TMTC2: variants seen among roughly 807,000 people sequenced by gnomAD.
TMTC2 encodes transmembrane O-mannosyltransferase targeting cadherins 2, also known as protein O-mannosyl-transferase TMTC2.
TMTC2 carries 43 observed loss-of-function variants against 82.4 expected under a neutral mutation model. That is an observed-to-expected ratio of 0.52 (90% CI 0.41 to 0.67). TMTC2 has a LOEUF of 0.67. Among genes scored for constraint, TMTC2 ranks in the 30% least tolerant of loss-of-function variants. The pLI is 0.00. For synonymous variants in TMTC2, 408 were observed against 381.9 expected, an observed-to-expected ratio of 1.07 and a Z score of -0.80; for missense variants, 919 against 1,012.4, an observed-to-expected ratio of 0.91 and a Z score of 1.25.
At chr12:82,843,525 A>T (rs1870460833) in intron 1 of TMTC2, among the ~76,000 whole-genome samples, 1 of 152,232 alleles carries the variant, frequency 6.6e-6, no homozygotes. Context: ...TTATAACAGG[A>T]ATACCTGTGA....
intron 1 of TMTC2, among the ~76,000 whole-genome samples, chr12:82,749,282 A>T (rs1031317104): frequency 6.6e-6 from 1 of 151,872 alleles, no homozygotes; most frequent in African/African-American, 2.4e-5. Context: ...TCTCCTGAGT[A>T]TGCTAAACTC....
chr12:83,124,578 T>G (rs918549405), intron 11 of TMTC2, among the ~76,000 whole-genome samples: 9 of 140,516 alleles, frequency 6.4e-5, no homozygotes, highest in African/African-American at 2.5e-5. Context: ...TTTTTTTTTT[T>G]AATGAGCAGA....
intron 1 of TMTC2, among the ~76,000 whole-genome samples, chr12:82,720,285 T>C (rs1275329799): frequency 6.6e-6 from 1 of 152,180 alleles, no homozygotes; most frequent in Non-Finnish European, 1.5e-5. Flanking sequence ...TAAGTTTGCA[T>C]GTTTTAGAAT....
chr12:83,059,847 A>G (rs2137470148), intron 10 of TMTC2, among the ~76,000 whole-genome samples: 1 of 151,828 alleles, frequency 6.6e-6, no homozygotes, highest in Middle Eastern at 3.4e-3. Context: ...TATACTTTCC[A>G]TGTTGGGCAT....
At chr12:82,960,539 C>G (rs1310266006) in intron 4 of TMTC2, among the ~76,000 whole-genome samples, 3 of 151,948 alleles carry the variant, frequency 2.0e-5, no homozygotes, top group African/African-American at 7.3e-5. Context: ...AAACCAAATA[C>G]TGCATGTTTT....
rs1881407924 is a variant in TMTC2 at position 83,031,002 on chromosome 12, C to T, written c.2152+123C>T. On this transcript the variant is annotated intron_variant, in intron 9 of 11. Transcript: ENST00000321196. ...ATGGACTTTGTTATTGCAGATTTAG[C>T]CTCATGCTATATTCCTACCTTCTCA... 8 of 676,762 alleles carry T rather than the reference C, an allele frequency of 1.2e-5. No individual in the cohort carries two copies. The East Asian group carries it at 2.1e-4, about 18-fold the overall frequency. 41.9% of individuals were successfully genotyped at this position (676,762 alleles called of 1,614,324 possible).
At chr12:82,944,502 G>T (rs1345873483) in intron 4 of TMTC2, among the ~76,000 whole-genome samples, 1 of 150,862 alleles carries the variant, frequency 6.6e-6, no homozygotes, top group Admixed American at 6.6e-5. Context: ...GCGTGAACCC[G>T]GGAGATGGCG....
intron 11 of TMTC2, among the ~76,000 whole-genome samples, chr12:83,088,540 G>A (rs964575268): frequency 3.9e-5 from 6 of 152,192 alleles, no homozygotes; most frequent in Non-Finnish European, 7.3e-5. Flanking sequence ...GACCAAAAGA[G>A]GATTATTAAT....
intron 1 of TMTC2, among the ~76,000 whole-genome samples, chr12:82,851,850 A>G (rs1169811992): frequency 6.6e-6 from 1 of 151,978 alleles, no homozygotes; most frequent in African/African-American, 2.4e-5. Context: ...CCTGCTCTGA[A>G]GGACTACTGG....
At chr12:82,710,138 T>C (rs1314170906) in intron 1 of TMTC2, among the ~76,000 whole-genome samples, 2 of 152,134 alleles carry the variant, frequency 1.3e-5, no homozygotes, top group Non-Finnish European at 2.9e-5. Flanking sequence ...ATCCAGAAAA[T>C]TCAGAGTTTA....
intron 1 of TMTC2, among the ~76,000 whole-genome samples, chr12:82,735,888 G>A (rs746353264): frequency 1.3e-4 from 20 of 152,044 alleles, no homozygotes; most frequent in East Asian, 3.9e-4. Context: ...CAGGAGAACC[G>A]CTTGAACCCG....
intron 8 of TMTC2, among the ~76,000 whole-genome samples, chr12:82,992,127 C>G (rs954391785): frequency 6.6e-6 from 1 of 152,152 alleles, no homozygotes; most frequent in Non-Finnish European, 1.5e-5. Flanking sequence ...ACATAAAACT[C>G]CAGTTGTGGA....
chr12:82,850,059 C>A (rs1313724242), intron 1 of TMTC2, among the ~76,000 whole-genome samples: 2 of 151,982 alleles, frequency 1.3e-5, no homozygotes, highest in African/African-American at 2.4e-5. Context: ...AACCTTTCAT[C>A]TGGGGGTAAG....
intron 1 of TMTC2, among the ~76,000 whole-genome samples, chr12:82,727,248 T>C (rs1471122376): frequency 6.6e-6 from 1 of 152,182 alleles, no homozygotes; most frequent in African/African-American, 2.4e-5. Flanking sequence ...TTTTTTCCTT[T>C]TCCGTGTATG....
At chr12:82,850,570 T>C (rs1870921829) in intron 1 of TMTC2, among the ~76,000 whole-genome samples, 1 of 152,068 alleles carries the variant, frequency 6.6e-6, no homozygotes, top group South Asian at 2.1e-4. Flanking sequence ...ACAGCCACAT[T>C]TGGGAGGGTT....
chr12:82,772,700 C>T (rs1877373726), intron 1 of TMTC2, among the ~76,000 whole-genome samples: 1 of 152,128 alleles, frequency 6.6e-6, no homozygotes, highest in African/African-American at 2.4e-5. Flanking sequence ...GTCCATGTTC[C>T]ACCCCCTGAA....
chr12:82,737,954 G>A (rs1412839494), intron 1 of TMTC2, among the ~76,000 whole-genome samples: 2 of 152,126 alleles, frequency 1.3e-5, no homozygotes, highest in Non-Finnish European at 2.9e-5. Flanking sequence ...AATAATAAAT[G>A]TATGTTGGGA....
In TMTC2 at chr12:83,098,078, G is replaced by A. The variant is rs920117558; in HGVS notation, c.2332-34132G>A. Reference sequence around the variant, plus strand: ...TACTCTATGGAGAATGGATTTGTGGGACAAACTGGAAGCAGGGAAGCAGAG... The same window carrying A: ...TACTCTATGGAGAATGGATTTGTGGAACAAACTGGAAGCAGGGAAGCAGAG... On this transcript the variant is annotated intron_variant, in intron 11 of 11. Transcript: ENST00000321196. Among the ~76,000 whole-genome samples, 7 of 152,186 alleles carry A rather than the reference G, an allele frequency of 4.6e-5. No homozygotes were observed. The East Asian group carries it at 1.3e-3, about 29-fold the overall frequency.
At chr12:82,758,766 T>A (rs991036536) in intron 1 of TMTC2, 3 of 152,226 alleles carry the variant, frequency 2.0e-5, no homozygotes, top group African/African-American at 7.2e-5. Context: ...ATAATTAAAA[T>A]CCTAATGGTA....
Sources: gnomAD v4.1 joint callset for allele counts (sites outside exome capture counted in the v4.1 genomes callset) on GRCh38, gnomAD v4.1.1 for gene constraint, MANE v1.5 for transcripts, NCBI Gene and HGNC (gene_info 2026-07-23, HGNC 2026-07-21) for gene names.